PCDHGA10: variants seen among roughly 807,000 people sequenced by gnomAD.
PCDHGA10 encodes protocadherin gamma-A10.
In PCDHGA10, 42 loss-of-function variants were observed where a neutral mutation model predicts 59.5. The observed-to-expected ratio is 0.71, with a 90% CI of 0.55 to 0.91. The LOEUF (loss-of-function observed/expected upper bound fraction) is 0.91. PCDHGA10 is among the 40% of genes least tolerant of loss of function. The pLI is 0.00. For synonymous variants in PCDHGA10, 511 were observed against 517.2 expected (o/e 0.99, Z 0.16); for missense variants, 1,111 against 1,198.2 (o/e 0.93, Z 1.07).
At chr5:141,428,120 C>A in intron 1 of PCDHGA10, 1 of 1,606,526 alleles carries the variant, frequency 6.2e-7, no homozygotes, top group Non-Finnish European at 8.5e-7. Flanking sequence ...CCATCGAGCC[C>A]GGGCTTTTCA....
chr5:141,481,179 T>C (rs115525079), intron 1 of PCDHGA10, among the ~76,000 whole-genome samples: 16 of 152,358 alleles, frequency 1.1e-4, no homozygotes, highest in African/African-American at 3.6e-4. Flanking sequence ...TCCAGCTTTA[T>C]TGGGCCAGGC....
rs140056243 is a variant in PCDHGA10 at position 141,487,386 on chromosome 5, G to A, written c.2437-7421G>A. 21 of 1,614,046 alleles carry A rather than the reference G, an allele frequency of 1.3e-5. No individual in the cohort carries two copies. The highest frequency in any genetic ancestry group is 4.0e-5 in the African/African-American group (3 of 74,920). On this transcript the variant is annotated intron_variant, in intron 1 of 3. Coordinates refer to ENST00000398610, the MANE Select transcript of PCDHGA10 (RefSeq NM_018913.3). The surrounding 1 kb of genome is among the most constrained non-coding windows in gnomAD (Gnocchi z 5.0). Reference sequence around the variant, plus strand: ...ACCTGTGCCTGTCTCACCAGATCTCGAAGGAGGGAGGGGCTTCCCCCTTCC... The same window carrying A: ...ACCTGTGCCTGTCTCACCAGATCTCAAAGGAGGGAGGGGCTTCCCCCTTCC...
At chr5:141,506,164 G>A (rs959032250) in intron 3 of PCDHGA10, among the ~76,000 whole-genome samples, 17 of 152,140 alleles carry the variant, frequency 1.1e-4, no homozygotes, top group Non-Finnish European at 2.4e-4. Context: ...TAAGAGCACA[G>A]CCTAAGCTGG....
rs568123995 is a variant in PCDHGA10 at position 141,511,539 on chromosome 5, C to G, written c.*366C>G. The G allele has an allele frequency of 3.0e-5, 10 of 328,342 alleles. No individual in the cohort carries two copies. The highest frequency in any genetic ancestry group is 2.1e-4 in the African/African-American group (10 of 47,452). The allele number at this position is 328,342 out of a possible 1,614,324, so 20.3% of individuals were successfully genotyped here. ...CATCCCATGCCTCCCTCCTCCCCAC[C>G]CCACTCCAACAGTTCCTCTTTCCCG... On this transcript the variant is annotated 3_prime_UTR_variant, in exon 4 of 4. Transcript: ENST00000398610.
chr5:141,434,132 G>A (rs2097674012), intron 1 of PCDHGA10, among the ~76,000 whole-genome samples: 1 of 152,194 alleles, frequency 6.6e-6, no homozygotes, highest in South Asian at 2.1e-4. Context: ...CCTTTAGGCT[G>A]ATTTCTATGT....
Position 141,491,188 on chromosome 5 carries a change from G to A in PCDHGA10, c.2437-3619G>A. On this transcript the variant is annotated intron_variant, in intron 1 of 3. Transcript: ENST00000398610. This position sits in a 1 kb window ranked among gnomAD's most constrained non-coding sequence, Gnocchi z 6.9. Reference sequence around the variant, plus strand: ...CCAGCAGGTGGTGGTCCTGGTGAGGGACAATGGTGACCCTTCACTCTCCTC... The same window carrying A: ...CCAGCAGGTGGTGGTCCTGGTGAGGAACAATGGTGACCCTTCACTCTCCTC... The A allele has an allele frequency of 6.2e-7, 1 of 1,614,198 alleles. No individual in the cohort carries two copies. The highest frequency in any genetic ancestry group is 1.1e-5 in the South Asian group (1 of 91,086).
chr5:141,510,825 G>C, intron 3 of PCDHGA10, 122 bp from the exon 4 acceptor site: 2 of 1,566,486 alleles, frequency 1.3e-6, no homozygotes, highest in Non-Finnish European at 1.7e-6. Flanking sequence ...TATATTCCCA[G>C]TGCTCAGCGT....
intron 1 of PCDHGA10, chr5:141,422,639 C>T (rs777330051): frequency 3.7e-6 from 6 of 1,612,780 alleles, no homozygotes; most frequent in South Asian, 2.2e-5. Flanking sequence ...AGGGGTGCCT[C>T]CATCTTCTCA....
chr5:141,471,637 T>G (rs1284100810), intron 1 of PCDHGA10: 1 of 152,198 alleles, frequency 6.6e-6, no homozygotes, highest in Non-Finnish European at 1.5e-5. Context: ...TATGGATTAG[T>G]AATATACTGG....
chr5:141,436,207 A>G (rs544201723), intron 1 of PCDHGA10, among the ~76,000 whole-genome samples: 67 of 152,260 alleles, frequency 4.4e-4, no homozygotes, highest in Non-Finnish European at 7.9e-4. Flanking sequence ...ACATAATAGG[A>G]AAACAAATGA....
rs193229261 is a variant in PCDHGA10, at chr5:141,446,714, G to A, written c.2436+31103G>A. ...GCTGGTCTCGAACTCTGATCTGCCCGCCTCGGCCTCCCAAAGTGTGGGGAT... is the reference window on the plus strand; with the variant it reads ...GCTGGTCTCGAACTCTGATCTGCCCACCTCGGCCTCCCAAAGTGTGGGGAT... On this transcript the variant is annotated intron_variant, in intron 1 of 3. Transcript: ENST00000398610. Among the ~76,000 whole-genome samples the A allele has an allele frequency of 3.3e-3, 497 of 152,154 alleles. 2 individuals are homozygous for A. Among genetic ancestry groups the A allele is most frequent in the African/African-American group, 0.011 (450 of 41,528 alleles).
At chr5:141,430,878 A>G in intron 1 of PCDHGA10, 1 of 1,600,748 alleles carries the variant, frequency 6.2e-7, no homozygotes, top group Admixed American at 1.8e-5. Context: ...GAAGAGCTGG[A>G]GAAAGGCTCT....
In PCDHGA10 at chr5:141,476,321, G is replaced by GT; in HGVS notation, c.2437-18485dup. ...CCTCTCAGCCCGCAGGTTCCGGGTG[G>GT]TGTCTGGAGCTAGCCGAAGATTCTT... On this transcript the variant is annotated intron_variant, in intron 1 of 3. Coordinates refer to ENST00000398610, the MANE Select transcript of PCDHGA10 (RefSeq NM_018913.3). The surrounding 1 kb of genome is among the most constrained non-coding windows in gnomAD (Gnocchi z 7.6). The GT allele has an allele frequency of 6.2e-7, 1 of 1,614,196 alleles. No individual in the cohort carries two copies. Among genetic ancestry groups the GT allele is most frequent in the Non-Finnish European group, 8.5e-7 (1 of 1,180,050 alleles).
intron 1 of PCDHGA10, among the ~76,000 whole-genome samples, chr5:141,480,386 A>G (rs966068994): frequency 6.6e-6 from 1 of 151,826 alleles, no homozygotes; most frequent in Non-Finnish European, 1.5e-5. Context: ...CTACACTTCA[A>G]CCATGGCAAT....
intron 1 of PCDHGA10, among the ~76,000 whole-genome samples, chr5:141,494,397 A>G (rs965158973): frequency 7.2e-5 from 11 of 152,208 alleles, no homozygotes; most frequent in African/African-American, 2.4e-4. Flanking sequence ...GAATAAATTC[A>G]TTCTAGGGCT....
At chr5:141,434,920 A>G (rs927245955) in intron 1 of PCDHGA10, among the ~76,000 whole-genome samples, 3 of 151,796 alleles carry the variant, frequency 2.0e-5, no homozygotes, top group East Asian at 1.9e-4. Flanking sequence ...ATTTATGTAC[A>G]TATATTTTAT....
In PCDHGA10 at chr5:141,431,543, C is replaced by T. The variant is rs1334234544; in HGVS notation, c.2436+15932C>T. The T allele has an allele frequency of 1.9e-6, 3 of 1,614,128 alleles. No individual in the cohort carries two copies. The highest frequency in any genetic ancestry group is 2.5e-6 in the Non-Finnish European group (3 of 1,180,036). ...GAATCTGGCCTTGGGCACGCAGCTGCTTGTAGTCAACGCTACCGACCCTGA... is the reference window on the plus strand; with the variant it reads ...GAATCTGGCCTTGGGCACGCAGCTGTTTGTAGTCAACGCTACCGACCCTGA... On this transcript the variant is annotated intron_variant, in intron 1 of 3. Transcript: ENST00000398610. This position sits in a 1 kb window ranked among gnomAD's most constrained non-coding sequence, Gnocchi z 4.8.
At chr5:141,459,315 T>C (rs2154566534) in intron 1 of PCDHGA10, among the ~76,000 whole-genome samples, 1 of 152,362 alleles carries the variant, frequency 6.6e-6, no homozygotes, top group East Asian at 1.9e-4. Context: ...CTATTTTGTA[T>C]CCATCTTCTT....
Position 141,458,657 on chromosome 5 carries a change from C to T in PCDHGA10, c.2437-36150C>T, listed in dbSNP as rs1214452360. On this transcript the variant is annotated intron_variant, in intron 1 of 3. Coordinates refer to ENST00000398610, the MANE Select transcript of PCDHGA10 (RefSeq NM_018913.3). ...CAATCCCAGCTCACTGCAACCTCCA[C>T]CTCTCGGGTTCAAGCAATTCTACTG... Among the ~76,000 whole-genome samples, 6 of 152,276 alleles carry T rather than the reference C, an allele frequency of 3.9e-5. No homozygotes were observed. In the East Asian group the frequency reaches 9.6e-4, roughly 24 times the overall value.
Sources: gnomAD v4.1 joint callset for allele counts (sites outside exome capture counted in the v4.1 genomes callset) on GRCh38, gnomAD v4.1.1 for gene constraint, Gnocchi (gnomAD v3.1) non-coding constraint, MANE v1.5 for transcripts, NCBI Gene and HGNC (gene_info 2026-07-23, HGNC 2026-07-21) for gene names.